The following SYNE2 variants were observed in gnomAD, a reference collection of about 807,000 sequenced individuals.
The protein encoded by SYNE2 is spectrin repeat containing nuclear envelope protein 2, also known as nesprin-2.
SYNE2 carries 431 observed loss-of-function variants against 856.3 expected under a neutral mutation model. That is an observed-to-expected ratio of 0.50 (90% CI 0.47 to 0.55). The LOEUF (loss-of-function observed/expected upper bound fraction) is 0.55, where lower values mean the gene tolerates loss of function less well. Ranked by LOEUF, SYNE2 falls within the 20% of genes least tolerant of loss-of-function variation. The pLI, the probability that SYNE2 is intolerant of heterozygous loss-of-function variation, is 0.00. For synonymous variants in SYNE2, 2,923 were observed against 2,872.3 expected, an observed-to-expected ratio of 1.02 and a Z score of -0.56; for missense variants, 8,129 against 8,023.2, an observed-to-expected ratio of 1.01 and a Z score of -0.50.
At position 64,219,229 on chromosome 14, in the gene SYNE2, T is replaced by C. The variant is rs1016791014; in HGVS notation, c.19679T>C (p.Met6560Thr). 5 of 1,613,328 alleles carry C rather than the reference T, an allele frequency of 3.1e-6. No homozygotes were observed. In the African/African-American group the frequency reaches 6.7e-5, roughly 22 times the overall value. ...CCAGGTGCCTTCGACAGATGGGAGA[T>C]GATTCAAGCACAGGAGCTTCACAAT... Reference protein sequence around the residue: ...QQSGAFDRWEMIQAQELHNKL... With the variant: ...QQSGAFDRWETIQAQELHNKL... Residue 6560 changes from methionine to threonine, a missense_variant, in exon 110 of 116, where the codon ATG becomes ACG. This residue lies in a region of SYNE2 where 5,410 missense variants were observed against 5,284.8 expected (regional missense o/e 1.02). Coordinates refer to ENST00000555002, the MANE Select transcript of SYNE2 (RefSeq NM_182914.3).
Position 63,790,978 on chromosome 14 carries a change from T to A in SYNE2, c.-305+28992T>A, listed in dbSNP as rs183201920. ...AGCTACCAGAAGAATTTTTTTTTTT[T>A]AGACAGAGTCTCGCTGTCGCCCAGG... On this transcript the variant is annotated intron_variant, in intron 1 of 23. Coordinates refer to the SYNE2 transcript ENST00000674003. Among the ~76,000 whole-genome samples the A allele has an allele frequency of 9.8e-4, 149 of 151,846 alleles. 1 individual carries two copies. Among genetic ancestry groups the A allele is most frequent in the African/African-American group, 3.4e-3 (141 of 41,352 alleles).
chr14:64,094,070 C>T (rs535452721), intron 61 of SYNE2, among the ~76,000 whole-genome samples: 58 of 152,022 alleles, frequency 3.8e-4, no homozygotes, highest in Non-Finnish European at 7.5e-4. Context: ...CGGTGGCTCA[C>T]GCCTGTAATC....
chr14:64,099,976 C>G (rs1468113483), intron 63 of SYNE2: 1 of 152,042 alleles, frequency 6.6e-6, no homozygotes, highest in Non-Finnish European at 1.5e-5. Flanking sequence ...CATCCCATTA[C>G]TGGGTATATA....
intron 97 of SYNE2, among the ~76,000 whole-genome samples, chr14:64,187,435 A>G (rs1567588201): frequency 6.6e-6 from 1 of 152,232 alleles, no homozygotes; most frequent in Non-Finnish European, 1.5e-5. Context: ...AAGTTAAGGT[A>G]GACAGGAAGA....
At chr14:64,039,316 T>C (rs1042817673) in intron 45 of SYNE2, among the ~76,000 whole-genome samples, 2 of 152,236 alleles carry the variant, frequency 1.3e-5, no homozygotes, top group African/African-American at 4.8e-5. Flanking sequence ...GGAAAAGGGA[T>C]AGTGAAGGTT....
intron 1 of SYNE2, among the ~76,000 whole-genome samples, chr14:63,896,711 A>AGT (rs1330754848): frequency 1.3e-5 from 2 of 152,226 alleles, no homozygotes; most frequent in Non-Finnish European, 2.9e-5. Context: ...CTCTAAGTCT[A>AGT]GTGCTCTTTC....
At chr14:64,075,761 G>C in intron 53 of SYNE2, 184 bp from the exon 54 acceptor site, 2 of 601,882 alleles carry the variant, frequency 3.3e-6, no homozygotes, top group Non-Finnish European at 5.9e-6. Context: ...TTACAAATTA[G>C]AAAGCATCAT....
chr14:64,017,700 G>T lies in SYNE2; in HGVS notation c.4993G>T (p.Ala1665Ser). Residue 1665 changes from alanine to serine, a missense_variant, in exon 34 of 116, where the codon GCC (alanine) becomes TCC (serine). Around this residue, in one of 3 missense-constraint regions of SYNE2, gnomAD observed 2,422 missense variants for 2,357.4 expected, o/e 1.03. Transcript: ENST00000555002. Reference protein sequence around the residue: ...KNVIDEWTEKALQKMELHQLT... With the variant: ...KNVIDEWTEKSLQKMELHQLT... ...TGTCATTGATGAGTGGACAGAAAAG[G>T]CCCTTCAAAAAATGGAATTACATCA... The T allele has an allele frequency of 6.2e-7, 1 of 1,613,696 alleles. No homozygotes were observed. The highest frequency in any genetic ancestry group is 8.5e-7 in the Non-Finnish European group (1 of 1,179,768).
intron 84 of SYNE2, among the ~76,000 whole-genome samples, chr14:64,150,623 A>G (rs2098233650): frequency 6.6e-6 from 1 of 152,094 alleles, no homozygotes; most frequent in Non-Finnish European, 1.5e-5. Context: ...TTTTCTTTAC[A>G]TTATAGGGGA....
At chr14:63,858,645 G>C (rs2140116397) in intron 1 of SYNE2, among the ~76,000 whole-genome samples, 1 of 152,192 alleles carries the variant, frequency 6.6e-6, no homozygotes, top group East Asian at 1.9e-4. Context: ...AATGACAGCA[G>C]AGCCCTTATA....
chr14:64,113,107 T>C, intron 65 of SYNE2: 6 of 985,432 alleles, frequency 6.1e-6, no homozygotes, highest in Non-Finnish European at 7.2e-6. Context: ...GTTTGCGTCC[T>C]CTGTGCCCGG....
rs771127102 is a variant in SYNE2 at position 63,811,227 on chromosome 14, A to G, written c.-304-41274A>G. ...CTCGTAACAAGACAAAATTGGAAAC[A>G]TTAGTTATCTTACCAAGGCTTTGAC... is the stretch of plus-strand genomic sequence containing the variant. On this transcript the variant is annotated intron_variant, in intron 1 of 23. Coordinates refer to the SYNE2 transcript ENST00000674003. 4.6e-5 allele frequency among the ~76,000 whole-genome samples: 7 copies of G among 152,050 alleles called. 1 individual carries two copies. Among genetic ancestry groups the G allele is most frequent in the South Asian group, 4.1e-4 (2 of 4,828 alleles).
At chr14:64,129,205 G>T (rs915997247) in intron 74 of SYNE2, among the ~76,000 whole-genome samples, 4 of 152,198 alleles carry the variant, frequency 2.6e-5, no homozygotes, top group African/African-American at 9.7e-5. Flanking sequence ...TACTCCGGAG[G>T]CTGAGGTGTG....
intron 1 of SYNE2, among the ~76,000 whole-genome samples, chr14:63,763,370 CT>C (rs1457859574): frequency 6.6e-6 from 1 of 152,094 alleles, no homozygotes; most frequent in Non-Finnish European, 1.5e-5. Flanking sequence ...CACATTTTAA[CT>C]CCTGAATCAT....
intron 73 of SYNE2, among the ~76,000 whole-genome samples, chr14:64,127,122 A>G (rs1422019933): frequency 6.6e-6 from 1 of 152,102 alleles, no homozygotes; most frequent in East Asian, 1.9e-4. Flanking sequence ...TTAGCCGGAC[A>G]TGGTGGTGTG....
At chr14:63,872,894 A>C (rs1266031083) in intron 1 of SYNE2, among the ~76,000 whole-genome samples, 6 of 151,588 alleles carry the variant, frequency 4.0e-5, no homozygotes, top group Non-Finnish European at 5.9e-5. Context: ...TGTAACTCTG[A>C]TTCATTGATT....
chr14:63,921,194 AAAG>A (rs1566804169), intron 2 of SYNE2, among the ~76,000 whole-genome samples: 1 of 152,162 alleles, frequency 6.6e-6, no homozygotes, highest in Non-Finnish European at 1.5e-5. Flanking sequence ...TGAAAAAAAA[AAAG>A]TGCAGGAGAA....
Position 64,175,088 on chromosome 14 carries a change from A to G in SYNE2, c.17380A>G (p.Met5794Val), listed in dbSNP as rs867263005. ...ISQLQDSWKD[M>V]EPQLAEMIKQ... is the part of the protein sequence containing the mutation. Reference sequence around the variant, plus strand: ...TCAACTTCAGGACAGCTGGAAAGACATGGAGCCCCAGCTGGCAGAGATGAT... The same window carrying G: ...TCAACTTCAGGACAGCTGGAAAGACGTGGAGCCCCAGCTGGCAGAGATGAT... Residue 5794 changes from methionine to valine, a missense_variant, in exon 95 of 116, where the codon ATG becomes GTG. Transcript: ENST00000555002. 1.9e-6 allele frequency: 3 copies of G among 1,614,172 alleles called. No individual in the cohort carries two copies. Among genetic ancestry groups the G allele is most frequent in the Middle Eastern group, 3.3e-4 (2 of 6,062 alleles).
At chr14:63,814,102 T>C (rs948081765) in intron 1 of SYNE2, among the ~76,000 whole-genome samples, 1 of 126,266 alleles carries the variant, frequency 7.9e-6, no homozygotes, top group Non-Finnish European at 1.7e-5. Flanking sequence ...GCAACAACAA[T>C]AACAAAAAAC....
Sources: allele counts gnomAD v4.1 joint callset (sites outside exome capture counted in the v4.1 genomes callset), GRCh38; gene constraint gnomAD v4.1.1; regional missense constraint gnomAD v4.1.1; transcripts MANE v1.5; gene names NCBI Gene and HGNC (gene_info 2026-07-23, HGNC 2026-07-21).